Variants in FBXO45 observed in about 807,000 individuals in gnomAD.
The protein encoded by FBXO45 is F-box/SPRY domain-containing protein 1.
A neutral mutation model predicts 25.5 loss-of-function variants in FBXO45; 3 were observed. The observed-to-expected ratio is 0.12, with a 90% CI of 0.05 to 0.30. FBXO45 has a LOEUF of 0.30. Among genes scored for constraint, FBXO45 ranks in the 10% least tolerant of loss-of-function variants. The probability of loss-of-function intolerance (pLI) is 1.00; values close to 1 mark genes in which losing one functional copy is unlikely to be tolerated. For synonymous variants in FBXO45, 155 were observed against 149.8 expected (o/e 1.03, Z -0.25); for missense variants, 219 against 365.0 (o/e 0.60, Z 3.26).
At chr3:196,574,754 C>T (rs145027040) in intron 1 of FBXO45, among the ~76,000 whole-genome samples, 49 of 152,144 alleles carry the variant, frequency 3.2e-4, no homozygotes, top group African/African-American at 1.0e-3. Context: ...GGCAAGCACC[C>T]GGCAGAGAGA....
intron 1 of FBXO45, among the ~76,000 whole-genome samples, chr3:196,575,681 CT>C (rs549432229): frequency 2.2e-3 from 305 of 141,446 alleles, no homozygotes; most frequent in Middle Eastern, 3.6e-3. Context: ...TTCTTTGTTT[CT>C]TTTTTTTTTT....
Position 196,586,093 on chromosome 3 carries a change from G to A in FBXO45, c.*1775G>A, listed in dbSNP as rs886582393. The stretch of plus-strand genomic sequence containing the variant: ...TATTGAGTGAAATTATATGTTAAAT[G>A]TATTAGAGAATGTAGGTGGTATAGA... On this transcript the variant is annotated 3_prime_UTR_variant, in exon 3 of 3. Coordinates refer to ENST00000311630, the MANE Select transcript of FBXO45 (RefSeq NM_001105573.2). 2 of 152,202 alleles carry A rather than the reference G, an allele frequency of 1.3e-5. No individual in the cohort carries two copies. The highest frequency in any genetic ancestry group is 2.9e-5 in the Non-Finnish European group (2 of 68,028). 9.4% of individuals were successfully genotyped at this position (152,202 alleles called of 1,614,324 possible). A position where few individuals can be genotyped will look rare whatever the true frequency, so the allele number is the denominator to read the frequency against.
intron 2 of FBXO45, among the ~76,000 whole-genome samples, chr3:196,581,662 G>A (rs78057070): frequency 0.014 from 2,151 of 152,050 alleles, 52 homozygotes; most frequent in African/African-American, 0.05. Context: ...CCAACACTTA[G>A]GACCACTTGG....
chr3:196,577,855 C>T (rs1160209684), intron 2 of FBXO45, 46 bp downstream of exon 2: 14 of 1,227,064 alleles, frequency 1.1e-5, no homozygotes, highest in East Asian at 1.1e-4. Context: ...TGTCAAATCA[C>T]GCCTTAATTT....
intron 1 of FBXO45, among the ~76,000 whole-genome samples, chr3:196,570,884 T>G (rs541000484): frequency 1.4e-4 from 22 of 152,114 alleles, no homozygotes; most frequent in African/African-American, 5.3e-4. Context: ...GCTAATTTTT[T>G]GTACTTTCAG....
At chr3:196,573,239 G>A (rs1024792838) in intron 1 of FBXO45, among the ~76,000 whole-genome samples, 9 of 152,260 alleles carry the variant, frequency 5.9e-5, no homozygotes, top group African/African-American at 1.9e-4. Context: ...AGCTGTTGGA[G>A]GTTGGAGCTT....
chr3:196,573,071 G>A (rs1735855440), intron 1 of FBXO45, among the ~76,000 whole-genome samples: 1 of 152,138 alleles, frequency 6.6e-6, no homozygotes, highest in Admixed American at 6.5e-5. Context: ...ACAGGCATGT[G>A]CCACCATGCC....
intron 1 of FBXO45, among the ~76,000 whole-genome samples, chr3:196,571,291 A>G (rs963349820): frequency 1.3e-5 from 2 of 152,326 alleles, no homozygotes; most frequent in African/African-American, 4.8e-5. Flanking sequence ...CAGTGGCACA[A>G]TCATAGCTCA....
At position 196,577,696 on chromosome 3, in the gene FBXO45, T is replaced by C; in HGVS notation, c.562T>C (p.Leu188=). The change falls in exon 2 of 3, where the codon TTG becomes CTG. Residue 188 remains leucine (L), a synonymous_variant. Coordinates refer to ENST00000311630, the MANE Select transcript of FBXO45 (RefSeq NM_001105573.2). ...APMQCQGYVA[L]LGSDDQSWGW... is the part of the protein sequence containing the mutation. The stretch of plus-strand genomic sequence containing the variant: ...CATGCAGTGCCAAGGTTATGTGGCA[T>C]TGCTGGGCAGTGATGACCAGAGCTG... 1 of 1,613,962 alleles carries C rather than the reference T, an allele frequency of 6.2e-7. No individual in the cohort carries two copies. Among genetic ancestry groups the C allele is most frequent in the South Asian group, 1.1e-5 (1 of 91,060 alleles).
At chr3:196,578,598 C>T (rs545337148) in intron 2 of FBXO45, among the ~76,000 whole-genome samples, 68 of 151,896 alleles carry the variant, frequency 4.5e-4, no homozygotes, top group African/African-American at 1.6e-3. Context: ...ATCGATAATA[C>T]GTAAATGAAC....
chr3:196,571,319 T>C (rs1735822668), intron 1 of FBXO45, among the ~76,000 whole-genome samples: 1 of 152,174 alleles, frequency 6.6e-6, no homozygotes, highest in Non-Finnish European at 1.5e-5. Context: ...CTCGACCTCC[T>C]GAGCTCAAGG....
At position 196,568,937 on chromosome 3, in the gene FBXO45, C is replaced by T. The variant is rs1290118548; in HGVS notation, c.-48C>T. 9.1e-6 allele frequency: 9 copies of T among 985,278 alleles called. No homozygotes were observed. Among genetic ancestry groups the T allele is most frequent in the Non-Finnish European group, 9.7e-6 (8 of 828,420 alleles). The allele number at this position is 985,278 out of a possible 1,614,324, so 61.0% of individuals were successfully genotyped here. ...GGCTTGGCCTTCCGAGCAGAGACGGCGGGAAGCGGCGGCGGCAGCGGCGGC... is the reference window on the plus strand; with the variant it reads ...GGCTTGGCCTTCCGAGCAGAGACGGTGGGAAGCGGCGGCGGCAGCGGCGGC... On this transcript the variant is annotated 5_prime_UTR_variant, in exon 1 of 3. Transcript: ENST00000311630.
rs529651464 is a variant in FBXO45 at position 196,580,764 on chromosome 3, G to C, written c.675+2955G>C. Among the ~76,000 whole-genome samples the C allele has an allele frequency of 4.6e-4, 70 of 152,004 alleles. No homozygotes were observed. The Middle Eastern group carries it at 0.01, about 22-fold the overall frequency. ...TTGTTTCTCTCTAATCTTTGCATTA[G>C]ATAATTTCTTTTCCTTTTTTTTTTT... On this transcript the variant is annotated intron_variant, in intron 2 of 2. Coordinates refer to ENST00000311630, the MANE Select transcript of FBXO45 (RefSeq NM_001105573.2).
chr3:196,579,563 A>G (rs1181260803), intron 2 of FBXO45, among the ~76,000 whole-genome samples: 2 of 152,200 alleles, frequency 1.3e-5, no homozygotes, highest in African/African-American at 4.8e-5. Flanking sequence ...TTATTCTAAT[A>G]TGTGGTCTGT....
At chr3:196,572,840 A>C (rs1383801320) in intron 1 of FBXO45, among the ~76,000 whole-genome samples, 1 of 152,210 alleles carries the variant, frequency 6.6e-6, no homozygotes, top group Non-Finnish European at 1.5e-5. Flanking sequence ...AGAATTGGCA[A>C]TAGATTTGAA....
chr3:196,570,930 C>G (rs544669773), intron 1 of FBXO45, among the ~76,000 whole-genome samples: 16 of 152,134 alleles, frequency 1.1e-4, no homozygotes, highest in South Asian at 6.2e-4. Flanking sequence ...CCAGCATGGT[C>G]TCAATCTCCT....
At chr3:196,576,860 T>C (rs1056939453) in intron 1 of FBXO45, among the ~76,000 whole-genome samples, 2 of 152,246 alleles carry the variant, frequency 1.3e-5, no homozygotes, top group African/African-American at 4.8e-5. Flanking sequence ...TCATAAACTT[T>C]AGAGCTGCTA....
rs973411411 is a variant in FBXO45, at chr3:196,584,846, A to G, written c.*528A>G. 2.0e-5 allele frequency: 3 copies of G among 151,498 alleles called. No homozygotes were observed. Among genetic ancestry groups the G allele is most frequent in the Admixed American group, 6.6e-5 (1 of 15,128 alleles). The allele number at this position is 151,498 out of a possible 1,614,324, so 9.4% of individuals were successfully genotyped here. ...AAGTGAGATATAAAATTGTGCAGCT[A>G]TTTTAAAAGTTGTATATAATATGTG... On this transcript the variant is annotated 3_prime_UTR_variant, in exon 3 of 3. Coordinates refer to ENST00000311630, the MANE Select transcript of FBXO45 (RefSeq NM_001105573.2). The surrounding 1 kb of genome is among the most constrained non-coding windows in gnomAD (Gnocchi z 4.3).
intron 1 of FBXO45, among the ~76,000 whole-genome samples, chr3:196,575,771 G>C (rs1375433224): frequency 1.3e-5 from 2 of 151,258 alleles, no homozygotes; most frequent in Non-Finnish European, 2.9e-5. Context: ...CTGCCTCCTG[G>C]GCTCAAGCAT....
Sources: gnomAD v4.1 joint callset for allele counts (sites outside exome capture counted in the v4.1 genomes callset) on GRCh38, gnomAD v4.1.1 for gene constraint, Gnocchi (gnomAD v3.1) non-coding constraint, MANE v1.5 for transcripts, NCBI Gene and HGNC (gene_info 2026-07-23, HGNC 2026-07-21) for gene names.